The following CNTNAP2 variants were observed in gnomAD, a reference collection of about 807,000 sequenced individuals.
CNTNAP2 encodes the protein contactin-associated protein-like 2.
Under a neutral mutation model 155.2 loss-of-function variants are expected in CNTNAP2, and 98 were observed. The observed-to-expected ratio is 0.63, with a 90% CI of 0.54 to 0.75. The LOEUF (loss-of-function observed/expected upper bound fraction) is 0.75. Ranked by LOEUF, CNTNAP2 falls within the 30% of genes least tolerant of loss-of-function variation. CNTNAP2 has a pLI of 0.00. For missense variants in CNTNAP2, 1,727 were observed against 1,688.1 expected (o/e 1.02, Z -0.40); for synonymous variants, 651 against 631.2 (o/e 1.03, Z -0.47).
At chr7:147,685,331 A>T (rs552683678) in intron 13 of CNTNAP2, among the ~76,000 whole-genome samples, 2 of 152,016 alleles carry the variant, frequency 1.3e-5, no homozygotes, top group Non-Finnish European at 2.9e-5. Flanking sequence ...CTGCAGAGTG[A>T]TGACTCTTGC....
At chr7:147,989,782 C>T (rs755184988) in intron 15 of CNTNAP2, among the ~76,000 whole-genome samples, 25 of 152,124 alleles carry the variant, frequency 1.6e-4, no homozygotes, top group Non-Finnish European at 2.4e-4. Context: ...ATCTCAGCTT[C>T]GATGTTAATT....
At chr7:147,741,213 A>T (rs907830867) in intron 13 of CNTNAP2, among the ~76,000 whole-genome samples, 1 of 152,348 alleles carries the variant, frequency 6.6e-6, no homozygotes, top group Non-Finnish European at 1.5e-5. Context: ...ATGTAAGTGC[A>T]TGACTAGATG....
chr7:147,639,609 G>T (rs1032498304), intron 13 of CNTNAP2, among the ~76,000 whole-genome samples: 6 of 152,202 alleles, frequency 3.9e-5, no homozygotes, highest in Non-Finnish European at 8.8e-5. Context: ...AGAGCTCCTT[G>T]TGAACATTCA....
chr7:147,772,446 CTATATA>C (rs58027241), intron 13 of CNTNAP2, among the ~76,000 whole-genome samples: 893 of 63,702 alleles, frequency 0.014, 28 homozygotes, highest in African/African-American at 0.05. Flanking sequence ...CTCTCTCTCG[CTATATA>C]TATATATATA....
chr7:147,762,405 T>C (rs1333458116), intron 13 of CNTNAP2, among the ~76,000 whole-genome samples: 2 of 152,146 alleles, frequency 1.3e-5, no homozygotes, highest in African/African-American at 2.4e-5. Context: ...AGTGACATTA[T>C]GAGTTTGCTG....
chr7:146,330,686 C>T (rs980577229), intron 1 of CNTNAP2, among the ~76,000 whole-genome samples: 11 of 152,102 alleles, frequency 7.2e-5, no homozygotes, highest in African/African-American at 2.7e-4. Flanking sequence ...ACCAAAAACC[C>T]TGAGGCTGGT....
intron 19 of CNTNAP2, among the ~76,000 whole-genome samples, chr7:148,220,901 C>T (rs976625111): frequency 6.6e-6 from 1 of 152,208 alleles, no homozygotes; most frequent in South Asian, 2.1e-4. Flanking sequence ...CAGCCTCCCA[C>T]TGGGCAGATA....
chr7:148,183,315 C>T (rs1352665519), intron 18 of CNTNAP2, among the ~76,000 whole-genome samples: 1 of 152,090 alleles, frequency 6.6e-6, no homozygotes, highest in Admixed American at 6.6e-5. Context: ...GTGGGTTGCA[C>T]CTAATTCTGA....
At chr7:148,127,047 A>T (rs1156360441) in intron 16 of CNTNAP2, among the ~76,000 whole-genome samples, 1 of 152,142 alleles carries the variant, frequency 6.6e-6, no homozygotes, top group Non-Finnish European at 1.5e-5. Flanking sequence ...GCTCATGCCT[A>T]TAATCCCAGC....
At chr7:146,739,466 T>A (rs1220835339) in intron 1 of CNTNAP2, among the ~76,000 whole-genome samples, 1 of 152,010 alleles carries the variant, frequency 6.6e-6, no homozygotes, top group Non-Finnish European at 1.5e-5. Flanking sequence ...TTCTGAAGTT[T>A]CCCCTGTTCA....
intron 1 of CNTNAP2, among the ~76,000 whole-genome samples, chr7:146,258,238 G>A (rs1247475714): frequency 6.6e-6 from 1 of 152,008 alleles, no homozygotes; most frequent in African/African-American, 2.4e-5. Flanking sequence ...TTATTGAGAA[G>A]TTACTATATA....
intron 1 of CNTNAP2, among the ~76,000 whole-genome samples, chr7:146,344,455 A>C (rs2129097171): frequency 6.6e-6 from 1 of 151,538 alleles, no homozygotes; most frequent in African/African-American, 2.4e-5. Context: ...TCTCCCATAT[A>C]TCTTATTGAA....
intron 20 of CNTNAP2, among the ~76,000 whole-genome samples, chr7:148,263,512 G>A (rs1202958808): frequency 1.3e-5 from 2 of 152,132 alleles, no homozygotes; most frequent in Non-Finnish European, 2.9e-5. Flanking sequence ...GCCGAGGTGG[G>A]CGGAACACAA....
intron 11 of CNTNAP2, among the ~76,000 whole-genome samples, chr7:147,489,622 A>G (rs1464129862): frequency 3.3e-5 from 5 of 152,082 alleles, no homozygotes; most frequent in African/African-American, 1.2e-4. Flanking sequence ...GTAAGAATGT[A>G]TCTTTTGCTT....
intron 1 of CNTNAP2, among the ~76,000 whole-genome samples, chr7:146,151,700 A>ATATATATATATG (rs60354644): frequency 1.7e-5 from 1 of 57,562 alleles, no homozygotes; most frequent in African/African-American, 1.0e-4. Context: ...ATATATATGT[A>ATATATATATATG]TATATATATA....
At chr7:147,622,292 C>T (rs28824012) in intron 12 of CNTNAP2, among the ~76,000 whole-genome samples, 3,123 of 151,946 alleles carry the variant, frequency 0.021, 114 homozygotes, top group African/African-American at 0.071. Context: ...ATGAATTTAA[C>T]GCATATTTAT....
At chr7:146,139,012 T>TA (rs1797838442) in intron 1 of CNTNAP2, among the ~76,000 whole-genome samples, 1 of 152,108 alleles carries the variant, frequency 6.6e-6, no homozygotes, top group African/African-American at 2.4e-5. Flanking sequence ...CAGAACAGCA[T>TA]AGCTAAGCCT....
chr7:147,997,665 A>G (rs1448917988), intron 15 of CNTNAP2, among the ~76,000 whole-genome samples: 1 of 152,138 alleles, frequency 6.6e-6, no homozygotes, highest in Non-Finnish European at 1.5e-5. Context: ...AATAGACAGG[A>G]TGCTCTGAGA....
At chr7:147,908,443 G>T (rs1225115817) in intron 14 of CNTNAP2, among the ~76,000 whole-genome samples, 1 of 152,222 alleles carries the variant, frequency 6.6e-6, no homozygotes, top group Non-Finnish European at 1.5e-5. Context: ...GCACCAGGCA[G>T]TCTGGGCATA....
Sources: gnomAD v4.1 joint callset for allele counts (sites outside exome capture counted in the v4.1 genomes callset) on GRCh38, gnomAD v4.1.1 for gene constraint, MANE v1.5 for transcripts, NCBI Gene and HGNC (gene_info 2026-07-23, HGNC 2026-07-21) for gene names.